The following DENND4A variants were observed in gnomAD, a reference collection of about 807,000 sequenced individuals.
DENND4A encodes DENN domain containing 4A, also known as C-myc promoter-binding protein.
In DENND4A, 70 loss-of-function variants were observed where a neutral mutation model predicts 199.3. The ratio of observed to expected loss-of-function variants is 0.35; its 90% CI spans 0.29 to 0.43. The LOEUF is 0.43. DENND4A is among the 20% of genes least tolerant of loss of function. DENND4A has a pLI of 1.00. For missense variants in DENND4A, 1,723 were observed against 2,255.8 expected, an observed-to-expected ratio of 0.76 and a Z score of 4.78; for synonymous variants, 686 against 766.9, an observed-to-expected ratio of 0.89 and a Z score of 1.74.
At chr15:65,725,441 C>T (rs1452493702) in intron 11 of DENND4A, among the ~76,000 whole-genome samples, 1 of 152,092 alleles carries the variant, frequency 6.6e-6, no homozygotes, top group East Asian at 1.9e-4. Context: ...CTTTGGGAGG[C>T]CGAGGCGGGC....
chr15:65,688,904 A>G (rs1318430681), intron 23 of DENND4A, among the ~76,000 whole-genome samples: 3 of 152,214 alleles, frequency 2.0e-5, no homozygotes, highest in Admixed American at 6.5e-5. Context: ...AGTTGTAATC[A>G]GTGGGAAGGA....
intron 14 of DENND4A, among the ~76,000 whole-genome samples, chr15:65,707,311 C>T (rs929107447): frequency 1.1e-4 from 16 of 152,086 alleles, no homozygotes; most frequent in African/African-American, 3.4e-4. Flanking sequence ...AAACACATTT[C>T]ACAGAACTTT....
At chr15:65,754,411 A>ACTTAACCTCTCTGAGC (rs1431457159) in intron 3 of DENND4A, among the ~76,000 whole-genome samples, 1 of 152,196 alleles carries the variant, frequency 6.6e-6, no homozygotes, top group African/African-American at 2.4e-5. Flanking sequence ...GTAAGCAGTT[A>ACTTAACCTCTCTGAGC]CTTAACCTCT....
intron 7 of DENND4A, among the ~76,000 whole-genome samples, chr15:65,736,320 A>G (rs1303242940): frequency 6.6e-6 from 1 of 152,024 alleles, no homozygotes; most frequent in Non-Finnish European, 1.5e-5. Flanking sequence ...GTGCAGTGGC[A>G]TGATCTTGGC....
At position 65,714,400 on chromosome 15, in the gene DENND4A, G is replaced by A. The variant is rs992622040; in HGVS notation, c.1953+1078C>T. On this transcript the variant is annotated intron_variant, in intron 14 of 32. Coordinates refer to ENST00000443035, the MANE Select transcript of DENND4A (RefSeq NM_001320835.1). ...TGCACTCCAGCCTGGGTGACAGAGCGAGACTCCGTCTCAAAAAAAAAAACA... is the reference window on the plus strand; with the variant it reads ...TGCACTCCAGCCTGGGTGACAGAGCAAGACTCCGTCTCAAAAAAAAAAACA... 4.2e-5 allele frequency among the ~76,000 whole-genome samples: 6 copies of A among 142,662 alleles called. No homozygotes were observed. In the South Asian group the frequency reaches 6.9e-4, roughly 16 times the overall value. The allele number at this position is 142,662 out of a possible 152,430, so 93.6% of individuals were successfully genotyped here. A position where few individuals can be genotyped will look rare whatever the true frequency, so the allele number is the denominator to read the frequency against.
chr15:65,768,868 C>A (rs528065596), intron 1 of DENND4A, among the ~76,000 whole-genome samples: 1 of 151,936 alleles, frequency 6.6e-6, no homozygotes, highest in Admixed American at 6.6e-5. Context: ...GTGGCGGGTG[C>A]CTGTAATCCC....
intron 22 of DENND4A, among the ~76,000 whole-genome samples, chr15:65,694,548 C>T (rs532612915): frequency 6.6e-6 from 1 of 152,126 alleles, no homozygotes; most frequent in South Asian, 2.1e-4. Flanking sequence ...TATATGTATA[C>T]ATTTACACAC....
At chr15:65,773,925 G>A (rs2077209561) in intron 1 of DENND4A, among the ~76,000 whole-genome samples, 2 of 152,136 alleles carry the variant, frequency 1.3e-5, no homozygotes, top group African/African-American at 4.8e-5. Context: ...ATGAATGAGT[G>A]GATAAAGGAA....
chr15:65,707,444 A>G (rs998734261), intron 14 of DENND4A, among the ~76,000 whole-genome samples: 1 of 152,146 alleles, frequency 6.6e-6, no homozygotes, highest in Admixed American at 6.5e-5. Context: ...GATGAGTTTT[A>G]AAAATTTTCT....
In DENND4A at chr15:65,737,775, TGCATCAAAAAAAG is replaced by T; in HGVS notation, c.959_971del (p.Pro320HisfsTer6). On this transcript the variant is annotated frameshift_variant, in exon 7 of 33. Coordinates refer to ENST00000443035, the MANE Select transcript of DENND4A (RefSeq NM_001320835.1). LOFTEE classifies it high-confidence loss of function. ...ACAGAAAAGTCAGAAACTTCCTGAA[TGCATCAAAAAAAG>T]GCCAGTGAGAAAGAAGACAGATGCA... 2 of 1,594,162 alleles carry T rather than the reference TGCATCAAAAAAAG, an allele frequency of 1.3e-6. No individual in the cohort carries two copies. The highest frequency in any genetic ancestry group is 1.7e-6 in the Non-Finnish European group (2 of 1,169,770).
At chr15:65,682,026 T>C (rs1011846672) in intron 23 of DENND4A, among the ~76,000 whole-genome samples, 3 of 152,258 alleles carry the variant, frequency 2.0e-5, no homozygotes, top group Non-Finnish European at 4.4e-5. Flanking sequence ...CCAGGTTTTT[T>C]GTTCCATTTA....
chr15:65,676,301 G>A (rs1394957472), intron 24 of DENND4A, 144 bp downstream of exon 24: 15 of 698,946 alleles, frequency 2.1e-5, no homozygotes, highest in Admixed American at 3.7e-5. Context: ...AAAGTGCCTT[G>A]GTTTTATTGT....
At chr15:65,693,031 T>C (rs946076688) in intron 22 of DENND4A, among the ~76,000 whole-genome samples, 1 of 152,218 alleles carries the variant, frequency 6.6e-6, no homozygotes, top group Non-Finnish European at 1.5e-5. Flanking sequence ...AGAGATTCTA[T>C]GTGCCCTGCA....
intron 2 of DENND4A, among the ~76,000 whole-genome samples, chr15:65,757,569 C>T (rs183659123): frequency 1.2e-4 from 19 of 152,118 alleles, no homozygotes; most frequent in Admixed American, 2.6e-4. Context: ...GGGAGGGTAG[C>T]GGGGGAGTCT....
rs1427741682 is a variant in DENND4A, at chr15:65,696,282, TA to T, written c.3082+83del. Reference sequence around the variant, plus strand: ...ATTTTTTAAAATCACCTTGGAGAATTAAGACTATTAAAAAAATAAGTATTCA... The same window carrying T: ...ATTTTTTAAAATCACCTTGGAGAATTAGACTATTAAAAAAATAAGTATTCA... On this transcript the variant is annotated intron_variant, in intron 22 of 32. Coordinates refer to ENST00000443035, the MANE Select transcript of DENND4A (RefSeq NM_001320835.1). 2.0e-6 allele frequency: 3 copies of T among 1,487,922 alleles called. No homozygotes were observed. The Admixed American group carries it at 6.5e-5, about 32-fold the overall frequency. 92.2% of individuals were successfully genotyped at this position (1,487,922 alleles called of 1,614,324 possible). A position where few individuals can be genotyped will look rare whatever the true frequency, so the allele number is the denominator to read the frequency against.
At chr15:65,777,572 C>T (rs1038111674) in intron 1 of DENND4A, among the ~76,000 whole-genome samples, 6 of 151,966 alleles carry the variant, frequency 3.9e-5, no homozygotes, top group South Asian at 2.1e-4. Context: ...AGGCTGGCCT[C>T]GAACTGCTGA....
intron 24 of DENND4A, among the ~76,000 whole-genome samples, chr15:65,674,597 T>C (rs555501245): frequency 2.8e-4 from 43 of 152,138 alleles, no homozygotes; most frequent in Admixed American, 2.6e-3. Flanking sequence ...TACAAAAAAA[T>C]AGCCGGGTGT....
chr15:65,790,024 A>G lies in DENND4A; in HGVS notation c.-102+1986T>C, dbSNP rs62014415. 7.2e-3 allele frequency among the ~76,000 whole-genome samples: 1,104 copies of G among 152,282 alleles called. 6 individuals carry two copies. The highest frequency in any genetic ancestry group is 0.012 in the Non-Finnish European group (787 of 68,024). ...AAAAATTAGCCAAGCACGGTGGTGC[A>G]CGCCTGTAGTCCCAGCTACTTTTAT... On this transcript the variant is annotated intron_variant, in intron 1 of 32. Transcript: ENST00000443035.
rs193062936 is a variant in DENND4A, at chr15:65,741,372, A to G, written c.631+343T>C. Among the ~76,000 whole-genome samples, 4 of 152,364 alleles carry G rather than the reference A, an allele frequency of 2.6e-5. No homozygotes were observed. In the East Asian group the frequency reaches 7.7e-4, roughly 29 times the overall value. ...TTCCATTATTATGAAACATGATTTC[A>G]TGTGAACTACAGCTCTTACTAAATT... is the stretch of plus-strand genomic sequence containing the variant. On this transcript the variant is annotated intron_variant, in intron 5 of 32. Coordinates refer to ENST00000443035, the MANE Select transcript of DENND4A (RefSeq NM_001320835.1).
Sources: allele counts gnomAD v4.1 joint callset (sites outside exome capture counted in the v4.1 genomes callset), GRCh38; gene constraint gnomAD v4.1.1; transcripts MANE v1.5; gene names NCBI Gene and HGNC (gene_info 2026-07-23, HGNC 2026-07-21).